ZBTB20: variants seen among roughly 807,000 people sequenced by gnomAD.
ZBTB20 encodes the protein zinc finger and BTB domain-containing protein 20.
In ZBTB20, 9 loss-of-function variants were observed where a neutral mutation model predicts 56.9. The observed-to-expected ratio is 0.16, with a 90% CI of 0.10 to 0.28. The LOEUF (loss-of-function observed/expected upper bound fraction) is 0.28, where lower values mean the gene tolerates loss of function less well. Ranked by LOEUF, ZBTB20 falls within the 10% of genes least tolerant of loss-of-function variation. The pLI is 1.00. For synonymous variants in ZBTB20, 417 were observed against 420.7 expected, an observed-to-expected ratio of 0.99 and a Z score of 0.11; for missense variants, 655 against 1,003.0, an observed-to-expected ratio of 0.65 and a Z score of 4.69.
chr3:114,618,238 C>CTTTTTTTTTTTTTT (rs111549198), intron 6 of ZBTB20, among the ~76,000 whole-genome samples: 1 of 119,288 alleles, frequency 8.4e-6, no homozygotes. Flanking sequence ...TGTTTCTTTC[C>CTTTTTTTTTTTTTT]TTTTTTTTTT....
chr3:114,526,353 T>C (rs927654274), intron 6 of ZBTB20, among the ~76,000 whole-genome samples: 1 of 152,204 alleles, frequency 6.6e-6, no homozygotes, highest in African/African-American at 2.4e-5. Flanking sequence ...GTGAGTTCTA[T>C]ATTTAAGATA....
chr3:114,602,516 A>C (rs2056838380), intron 6 of ZBTB20, among the ~76,000 whole-genome samples: 1 of 151,846 alleles, frequency 6.6e-6, no homozygotes, highest in African/African-American at 2.4e-5. Flanking sequence ...TCTCTAGTGG[A>C]CTTACTGACT....
intron 6 of ZBTB20, among the ~76,000 whole-genome samples, chr3:114,552,935 T>C (rs1322048143): frequency 6.6e-6 from 1 of 152,180 alleles, no homozygotes; most frequent in African/African-American, 2.4e-5. Flanking sequence ...TTTATATAAA[T>C]GCACAAAAAA....
intron 1 of ZBTB20, among the ~76,000 whole-genome samples, chr3:115,110,915 G>A (rs1029919817): frequency 6.6e-6 from 1 of 151,886 alleles, no homozygotes; most frequent in African/African-American, 2.4e-5. Context: ...ACTTGAACCT[G>A]GGAGGCAGAG....
chr3:114,944,892 A>C (rs2076834539), intron 3 of ZBTB20, among the ~76,000 whole-genome samples: 1 of 145,580 alleles, frequency 6.9e-6, no homozygotes, highest in Admixed American at 6.6e-5. Context: ...AAGAGGAATA[A>C]GTTTTAGAGA....
intron 7 of ZBTB20, among the ~76,000 whole-genome samples, chr3:114,490,189 T>A (rs929464234): frequency 6.6e-6 from 1 of 152,062 alleles, no homozygotes; most frequent in East Asian, 1.9e-4. Context: ...GTGTAGTTAA[T>A]ATGCTTTCTT....
chr3:114,354,179 A>G (rs2080976610), intron 10 of ZBTB20, among the ~76,000 whole-genome samples: 1 of 152,242 alleles, frequency 6.6e-6, no homozygotes, highest in South Asian at 2.1e-4. Flanking sequence ...CAGTGCAAGA[A>G]GTAAGACAAC....
At chr3:114,731,346 T>C (rs966510187) in intron 5 of ZBTB20, among the ~76,000 whole-genome samples, 4 of 152,190 alleles carry the variant, frequency 2.6e-5, no homozygotes, top group African/African-American at 9.7e-5. Flanking sequence ...CTAGTCTTTT[T>C]AAAATATAAA....
At chr3:114,647,693 ATACAAT>A in intron 6 of ZBTB20, among the ~76,000 whole-genome samples, 1 of 152,306 alleles carries the variant, frequency 6.6e-6, no homozygotes, top group East Asian at 1.9e-4. Flanking sequence ...TGTATTACAT[ATACAAT>A]GTGTAAGTAC....
chr3:114,554,116 T>C (rs558072817), intron 6 of ZBTB20, among the ~76,000 whole-genome samples: 2 of 152,300 alleles, frequency 1.3e-5, no homozygotes, highest in African/African-American at 4.8e-5. Flanking sequence ...CTTATCCCTT[T>C]ATTCTTTTTG....
chr3:114,540,360 T>C (rs1464190259), intron 6 of ZBTB20, among the ~76,000 whole-genome samples: 2 of 152,240 alleles, frequency 1.3e-5, no homozygotes, highest in Middle Eastern at 3.4e-3. Flanking sequence ...ATTACATCCA[T>C]AAGCAGAAAG....
chr3:114,567,117 G>T (rs2052859091), intron 6 of ZBTB20, among the ~76,000 whole-genome samples: 1 of 152,188 alleles, frequency 6.6e-6, no homozygotes, highest in Non-Finnish European at 1.5e-5. Flanking sequence ...GCCACACAGG[G>T]TGTTATGTGT....
chr3:114,701,223 C>G (rs776732474), intron 5 of ZBTB20, among the ~76,000 whole-genome samples: 2 of 152,208 alleles, frequency 1.3e-5, no homozygotes, highest in Non-Finnish European at 2.9e-5. Flanking sequence ...AAATCTCCCA[C>G]TTCTGTTTGT....
intron 6 of ZBTB20, among the ~76,000 whole-genome samples, chr3:114,537,971 G>A (rs945289335): frequency 6.6e-6 from 1 of 152,050 alleles, no homozygotes; most frequent in Non-Finnish European, 1.5e-5. Flanking sequence ...GTCACACACT[G>A]GGGCCTGTTG....
At chr3:115,106,878 T>TG (rs781165198) in intron 1 of ZBTB20, among the ~76,000 whole-genome samples, 1 of 152,146 alleles carries the variant, frequency 6.6e-6, no homozygotes, top group Non-Finnish European at 1.5e-5. Context: ...ACACCTGTAA[T>TG]ATATCTGAAG....
At chr3:114,795,550 C>G (rs1460909271) in intron 5 of ZBTB20, among the ~76,000 whole-genome samples, 1 of 152,126 alleles carries the variant, frequency 6.6e-6, no homozygotes, top group East Asian at 1.9e-4. Context: ...CTCCCATACT[C>G]CGTTCTCTAC....
chr3:114,860,027 A>G (rs2075443378), intron 4 of ZBTB20, among the ~76,000 whole-genome samples: 1 of 152,132 alleles, frequency 6.6e-6, no homozygotes, highest in African/African-American at 2.4e-5. Context: ...CTGAAATTAC[A>G]GCCGGGCGCG....
intron 1 of ZBTB20, among the ~76,000 whole-genome samples, chr3:115,078,246 G>A (rs1163543496): frequency 6.6e-6 from 1 of 152,138 alleles, no homozygotes; most frequent in Non-Finnish European, 1.5e-5. Flanking sequence ...ATTGCTAATA[G>A]ATATTCTATG....
chr3:114,735,089 C>A (rs183301206), intron 5 of ZBTB20, among the ~76,000 whole-genome samples: 2 of 151,616 alleles, frequency 1.3e-5, no homozygotes, highest in South Asian at 2.1e-4. Flanking sequence ...ATTCCCCATA[C>A]AAAAATACAT....
Sources: gnomAD v4.1 joint callset for allele counts (sites outside exome capture counted in the v4.1 genomes callset) on GRCh38, gnomAD v4.1.1 for gene constraint, MANE v1.5 for transcripts, NCBI Gene and HGNC (gene_info 2026-07-23, HGNC 2026-07-21) for gene names.